ROBO2: variants seen among roughly 807,000 people sequenced by gnomAD.
The protein encoded by ROBO2 is roundabout homolog 2.
A neutral mutation model predicts 160.8 loss-of-function variants in ROBO2; 53 were observed. The observed-to-expected ratio is 0.33, with a 90% CI of 0.26 to 0.41. The LOEUF (loss-of-function observed/expected upper bound fraction) is 0.41, where lower values mean the gene tolerates loss of function less well. ROBO2 is among the 10% of genes least tolerant of loss of function. ROBO2 has a pLI of 1.00. For missense variants in ROBO2, 1,577 were observed against 1,722.4 expected (o/e 0.92, Z 1.49); for synonymous variants, 664 against 611.7 (o/e 1.09, Z -1.26).
At chr3:75,971,759 A>C (rs190686734) in intron 2 of ROBO2, among the ~76,000 whole-genome samples, 1 of 151,452 alleles carries the variant, frequency 6.6e-6, no homozygotes, top group Non-Finnish European at 1.5e-5. Context: ...AATATATATA[A>C]AATTTTTCTT....
At chr3:76,615,381 T>A (rs1206350767) in intron 2 of ROBO2, among the ~76,000 whole-genome samples, 2 of 152,154 alleles carry the variant, frequency 1.3e-5, no homozygotes, top group Non-Finnish European at 2.9e-5. Context: ...TTCACTTGGG[T>A]AACTGAGATC....
chr3:76,966,144 A>T (rs935096828), intron 2 of ROBO2, among the ~76,000 whole-genome samples: 1 of 151,014 alleles, frequency 6.6e-6, no homozygotes, highest in African/African-American at 2.4e-5. Context: ...CTGGTCTCGA[A>T]CTCCCAGCCT....
intron 2 of ROBO2, among the ~76,000 whole-genome samples, chr3:76,246,690 G>C (rs1043922726): frequency 3.9e-5 from 6 of 152,062 alleles, no homozygotes; most frequent in Admixed American, 2.0e-4. Flanking sequence ...GATTTATTTT[G>C]AGTGAGAATT....
intron 2 of ROBO2, among the ~76,000 whole-genome samples, chr3:75,966,750 C>A (rs1046384758): frequency 2.0e-5 from 3 of 151,618 alleles, no homozygotes; most frequent in Non-Finnish European, 4.4e-5. Flanking sequence ...ATCTCTGTTG[C>A]CCTCACTTTT....
chr3:77,128,880 A>G (rs2075591359), intron 2 of ROBO2, among the ~76,000 whole-genome samples: 1 of 152,208 alleles, frequency 6.6e-6, no homozygotes, highest in African/African-American at 2.4e-5. Flanking sequence ...TTAAACTTCC[A>G]TCAAAAAATA....
At chr3:77,060,433 T>C (rs1157728276) in intron 1 of ROBO2, among the ~76,000 whole-genome samples, 5 of 152,236 alleles carry the variant, frequency 3.3e-5, no homozygotes, top group East Asian at 1.9e-4. Context: ...CTTTATTTCA[T>C]TGATATTTAC....
At chr3:76,587,472 A>C (rs528000866) in intron 2 of ROBO2, among the ~76,000 whole-genome samples, 81 of 152,228 alleles carry the variant, frequency 5.3e-4, no homozygotes, top group African/African-American at 1.8e-3. Context: ...AAGCAAACGC[A>C]CCTTCCTCAC....
chr3:76,314,387 T>G (rs1460185365), intron 2 of ROBO2, among the ~76,000 whole-genome samples: 2 of 152,170 alleles, frequency 1.3e-5, no homozygotes, highest in African/African-American at 4.8e-5. Context: ...CAGAAAAGTT[T>G]ACAATGCAGA....
At chr3:77,456,755 T>A (rs1445324554) in intron 2 of ROBO2, among the ~76,000 whole-genome samples, 1 of 152,318 alleles carries the variant, frequency 6.6e-6, no homozygotes, top group Admixed American at 6.5e-5. Flanking sequence ...ATGGGATGGC[T>A]CTTCTCAGTA....
intron 2 of ROBO2, among the ~76,000 whole-genome samples, chr3:75,988,022 T>C (rs1431446726): frequency 6.6e-6 from 1 of 151,966 alleles, no homozygotes; most frequent in African/African-American, 2.4e-5. Flanking sequence ...CTTTGTCTGG[T>C]TTTGGTAGTA....
chr3:76,080,728 C>A (rs943556268), intron 2 of ROBO2, among the ~76,000 whole-genome samples: 2 of 152,114 alleles, frequency 1.3e-5, no homozygotes, highest in East Asian at 1.9e-4. Flanking sequence ...GTTAGAATTT[C>A]TTTTTCAACC....
chr3:76,394,013 T>G (rs1038455535), intron 2 of ROBO2, among the ~76,000 whole-genome samples: 2 of 152,176 alleles, frequency 1.3e-5, no homozygotes, highest in African/African-American at 4.8e-5. Flanking sequence ...TTTGAGCCTA[T>G]GTGTGTCTCT....
intron 2 of ROBO2, among the ~76,000 whole-genome samples, chr3:75,949,687 G>A (rs1948462177): frequency 6.6e-6 from 1 of 152,006 alleles, no homozygotes; most frequent in Non-Finnish European, 1.5e-5. Flanking sequence ...TTTGTGTGTT[G>A]TTGAACACAC....
chr3:76,429,121 T>G (rs1483599399), intron 2 of ROBO2, among the ~76,000 whole-genome samples: 1 of 151,862 alleles, frequency 6.6e-6, no homozygotes, highest in Non-Finnish European at 1.5e-5. Context: ...CAAACATTAA[T>G]AAGATAACAA....
chr3:77,325,178 A>G (rs985262031), intron 2 of ROBO2, among the ~76,000 whole-genome samples: 1 of 148,298 alleles, frequency 6.7e-6, no homozygotes, highest in Non-Finnish European at 1.5e-5. Context: ...AATACTTACA[A>G]CATTTTCAGG....
intron 3 of ROBO2, 75 bp downstream of exon 3, chr3:77,477,646 C>T (rs1193701210): frequency 2.2e-6 from 3 of 1,340,406 alleles, no homozygotes; most frequent in Non-Finnish European, 3.2e-6. Flanking sequence ...GTATTTTATT[C>T]TTTAACATTA....
chr3:76,703,976 T>C (rs141640160), intron 2 of ROBO2, among the ~76,000 whole-genome samples: 1 of 151,322 alleles, frequency 6.6e-6, no homozygotes, highest in African/African-American at 2.5e-5. Context: ...GTAGTTCAAA[T>C]AGTACTTCTT....
At chr3:77,352,467 AT>A (rs146246051) in intron 2 of ROBO2, among the ~76,000 whole-genome samples, 1 of 151,366 alleles carries the variant, frequency 6.6e-6, no homozygotes, top group South Asian at 2.1e-4. Flanking sequence ...AAACAGCGAT[AT>A]TTTTTTTTCC....
At chr3:76,085,219 T>C (rs1360911286) in intron 2 of ROBO2, among the ~76,000 whole-genome samples, 1 of 79,028 alleles carries the variant, frequency 1.3e-5, no homozygotes, top group African/African-American at 9.8e-5. Context: ...AGTGGATTTC[T>C]AAAGTTCTTA....
Sources: allele counts gnomAD v4.1 joint callset (sites outside exome capture counted in the v4.1 genomes callset), GRCh38; gene constraint gnomAD v4.1.1; transcripts MANE v1.5; gene names NCBI Gene and HGNC (gene_info 2026-07-23, HGNC 2026-07-21).